The following USH2A variants were observed in gnomAD, a reference collection of about 807,000 sequenced individuals.
The protein encoded by USH2A is usherin, also known as Usher syndrome 2A (autosomal recessive, mild).
Under a neutral mutation model 538.9 loss-of-function variants are expected in USH2A, and 443 were observed. The observed-to-expected ratio is 0.82, with a 90% confidence interval of 0.76 to 0.89. The LOEUF (loss-of-function observed/expected upper bound fraction) is 0.89, where lower values mean the gene tolerates loss of function less well. Among genes scored for constraint, USH2A ranks in the 40% least tolerant of loss-of-function variants. The probability of loss-of-function intolerance (pLI) is 0.00; values close to 1 mark genes in which losing one functional copy is unlikely to be tolerated. For synonymous variants in USH2A, 2,413 were observed against 2,273.5 expected, an observed-to-expected ratio of 1.06 and a Z score of -1.75; for missense variants, 6,633 against 6,324.8, an observed-to-expected ratio of 1.05 and a Z score of -1.65.
chr1:216,234,791 G>A (rs1416308219), intron 13 of USH2A, among the ~76,000 whole-genome samples: 1 of 152,082 alleles, frequency 6.6e-6, no homozygotes, highest in Non-Finnish European at 1.5e-5. Flanking sequence ...TACAAGTAGG[G>A]GATAGCATTT....
chr1:216,261,434 C>T (rs1347196995), intron 11 of USH2A, among the ~76,000 whole-genome samples: 1 of 128,782 alleles, frequency 7.8e-6, no homozygotes, highest in African/African-American at 3.0e-5. Context: ...AGACAATATA[C>T]TAAGATTCTA....
intron 47 of USH2A, among the ~76,000 whole-genome samples, chr1:215,823,871 CTTT>C (rs1558114762): frequency 6.6e-6 from 1 of 151,878 alleles, no homozygotes; most frequent in African/African-American, 2.4e-5. Flanking sequence ...TCCAAGATTT[CTTT>C]TTTAATTTCT....
chr1:215,930,773 C>T (rs1439305039), intron 38 of USH2A, among the ~76,000 whole-genome samples: 1 of 151,974 alleles, frequency 6.6e-6, no homozygotes, highest in Non-Finnish European at 1.5e-5. Flanking sequence ...CCCCATTAAG[C>T]GTTGAAATCC....
intron 11 of USH2A, among the ~76,000 whole-genome samples, chr1:216,270,711 T>A (rs1043605139): frequency 2.8e-4 from 1 of 3,584 alleles, no homozygotes; most frequent in African/African-American, 3.0e-4. Context: ...TTCATTCCAA[T>A]TTTTTTTTTT....
intron 44 of USH2A, among the ~76,000 whole-genome samples, chr1:215,847,293 T>C (rs1055773666): frequency 6.6e-6 from 1 of 152,090 alleles, no homozygotes; most frequent in South Asian, 2.1e-4. Flanking sequence ...ATTACCTTAG[T>C]TTGTTAGGAT....
chr1:216,138,263 A>C (rs2033525846), intron 21 of USH2A, among the ~76,000 whole-genome samples: 1 of 152,242 alleles, frequency 6.6e-6, no homozygotes, highest in African/African-American at 2.4e-5. Flanking sequence ...CTGTTCAAGT[A>C]AGCCAATCAA....
intron 21 of USH2A, among the ~76,000 whole-genome samples, chr1:216,130,158 CTTTTATT>C (rs2033341151): frequency 2.6e-5 from 4 of 151,808 alleles, no homozygotes; most frequent in Non-Finnish European, 5.9e-5. Flanking sequence ...GCAAAAATTT[CTTTTATT>C]TTTTATTTCC....
intron 49 of USH2A, among the ~76,000 whole-genome samples, chr1:215,808,429 G>C (rs1434702383): frequency 6.6e-6 from 1 of 152,030 alleles, no homozygotes; most frequent in Non-Finnish European, 1.5e-5. Flanking sequence ...AATGGAAATA[G>C]TGTTTTAAAA....
chr1:215,793,624 C>T (rs895227205), intron 50 of USH2A, among the ~76,000 whole-genome samples: 1 of 151,948 alleles, frequency 6.6e-6, no homozygotes, highest in African/African-American at 2.4e-5. Flanking sequence ...TTTTTCAATG[C>T]CACCCTTACA....
chr1:216,259,632 T>C (rs1399964420), intron 11 of USH2A, among the ~76,000 whole-genome samples: 1 of 152,112 alleles, frequency 6.6e-6, no homozygotes, highest in Non-Finnish European at 1.5e-5. Context: ...TGAGGAATAC[T>C]AGGGCAGAAT....
At chr1:215,988,054 A>G (rs541962317) in intron 35 of USH2A, among the ~76,000 whole-genome samples, 5 of 152,184 alleles carry the variant, frequency 3.3e-5, no homozygotes, top group African/African-American at 1.2e-4. Flanking sequence ...AGCACAACGT[A>G]AAATTGGGCA....
intron 44 of USH2A, among the ~76,000 whole-genome samples, chr1:215,851,871 G>A (rs561578472): frequency 1.4e-4 from 21 of 151,850 alleles, no homozygotes; most frequent in African/African-American, 4.8e-4. Flanking sequence ...CAGGGATGCA[G>A]GGATGGTTTA....
At chr1:216,351,560 G>T (rs540741142) in intron 4 of USH2A, among the ~76,000 whole-genome samples, 1 of 152,318 alleles carries the variant, frequency 6.6e-6, no homozygotes, top group Admixed American at 6.5e-5. Flanking sequence ...GTTAGGTCTT[G>T]TAGGTTATAG....
In USH2A at chr1:215,790,083, C is replaced by A; in HGVS notation, c.10158G>T (p.Lys3386Asn). Residue 3386 changes from lysine to asparagine, a missense_variant, in exon 51 of 72, where the codon AAG becomes AAT. Physicochemically the swap from Lys to Asn is moderately conservative, Grantham distance 94 (BLOSUM62 0). Transcript: ENST00000307340. ...YNPLKYVCSD[K>N]ISTGMMMKET... is the part of the protein sequence containing the mutation. ...CCTTCATCATCATTCCAGTTGAAAT[C>A]TTGTCAGAGCAAACATATTTCAAAG... 1 of 1,613,492 alleles carries A rather than the reference C, an allele frequency of 6.2e-7. No homozygotes were observed. Among genetic ancestry groups the A allele is most frequent in the Non-Finnish European group, 8.5e-7 (1 of 1,179,938 alleles).
intron 64 of USH2A, among the ~76,000 whole-genome samples, chr1:215,666,464 G>C (rs924126441): frequency 6.6e-6 from 1 of 152,188 alleles, no homozygotes; most frequent in Non-Finnish European, 1.5e-5. Flanking sequence ...TTTGTGGGGA[G>C]CTGGCTTCAC....
chr1:216,210,971 CT>C (rs1445673530), intron 15 of USH2A, among the ~76,000 whole-genome samples: 1 of 136,162 alleles, frequency 7.3e-6, no homozygotes, highest in Non-Finnish European at 1.5e-5. Context: ...GAGCGAGACT[CT>C]GTCTAAAACA....
intron 11 of USH2A, among the ~76,000 whole-genome samples, chr1:216,264,704 G>A (rs778603876): frequency 1.1e-4 from 16 of 152,222 alleles, no homozygotes; most frequent in Non-Finnish European, 1.6e-4. Flanking sequence ...GCATGATACT[G>A]TCGTAAAACA....
rs138539883 is a variant in USH2A, at chr1:216,257,897, T to C, written c.1972-6799A>G. Among the ~76,000 whole-genome samples the C allele has an allele frequency of 3.6e-3, 552 of 152,188 alleles. 5 individuals carry two copies. Among genetic ancestry groups the C allele is most frequent in the African/African-American group, 0.013 (521 of 41,576 alleles). On this transcript the variant is annotated intron_variant, in intron 11 of 71. Transcript: ENST00000307340. ...ACAGTGTAGGTTTTTCTCTGGAATT[T>C]TGATCTGTGGGGTTATTTAGTACCT...
At chr1:215,867,667 G>C (rs1225994059) in intron 43 of USH2A, among the ~76,000 whole-genome samples, 1 of 152,100 alleles carries the variant, frequency 6.6e-6, no homozygotes, top group East Asian at 1.9e-4. Flanking sequence ...ACTGCAGACA[G>C]ATAAACCCCT....
Sources: gnomAD v4.1 joint callset for allele counts (sites outside exome capture counted in the v4.1 genomes callset) on GRCh38, gnomAD v4.1.1 for gene constraint, MANE v1.5 for transcripts, NCBI Gene and HGNC (gene_info 2026-07-23, HGNC 2026-07-21) for gene names.